Variants in ELMO1 observed in about 807,000 individuals in gnomAD.
The protein encoded by ELMO1 is engulfment and cell motility protein 1.
In ELMO1, 26 loss-of-function variants were observed where a neutral mutation model predicts 98.9. That is an observed-to-expected ratio of 0.26 (90% CI 0.19 to 0.36). The LOEUF is 0.36. Ranked by LOEUF, ELMO1 falls within the 10% of genes least tolerant of loss-of-function variation. The probability of loss-of-function intolerance (pLI) is 1.00; values close to 1 mark genes in which losing one functional copy is unlikely to be tolerated. For synonymous variants in ELMO1, 346 were observed against 346.0 expected (o/e 1.00, Z 0.00); for missense variants, 627 against 935.2 (o/e 0.67, Z 4.30).
At chr7:37,290,281 G>T (rs1797607720) in intron 4 of ELMO1, among the ~76,000 whole-genome samples, 1 of 152,242 alleles carries the variant, frequency 6.6e-6, no homozygotes, top group South Asian at 2.1e-4. Context: ...ACATACGTCA[G>T]AGAAACATTA....
intron 1 of ELMO1, among the ~76,000 whole-genome samples, chr7:37,443,247 C>T (rs1470013865): frequency 6.6e-6 from 1 of 152,174 alleles, no homozygotes; most frequent in Non-Finnish European, 1.5e-5. Context: ...TGTGCCTCTC[C>T]AGTGTTTTCT....
intron 16 of ELMO1, chr7:36,997,901 T>C (rs1429196113): frequency 1.3e-5 from 2 of 152,318 alleles, no homozygotes; most frequent in Non-Finnish European, 1.5e-5. Flanking sequence ...AATCAGAAGA[T>C]GACCTTGAGC....
chr7:37,321,609 C>T (rs1420825794), intron 2 of ELMO1, among the ~76,000 whole-genome samples: 17 of 146,028 alleles, frequency 1.2e-4, no homozygotes, highest in African/African-American at 3.8e-4. Context: ...CCCAGCTACT[C>T]GGGAGGCTGA....
intron 16 of ELMO1, among the ~76,000 whole-genome samples, chr7:36,946,189 T>G (rs1026391397): frequency 6.6e-6 from 1 of 152,260 alleles, no homozygotes; most frequent in Non-Finnish European, 1.5e-5. Context: ...AGGTTATTTA[T>G]AGAAACTTGT....
intron 14 of ELMO1, among the ~76,000 whole-genome samples, chr7:37,100,894 T>G (rs1379393068): frequency 6.6e-6 from 1 of 152,256 alleles, no homozygotes; most frequent in East Asian, 1.9e-4. Flanking sequence ...CATGAGGCAC[T>G]GCATGTCTTT....
chr7:36,885,887 C>A (rs1289746400), intron 18 of ELMO1, among the ~76,000 whole-genome samples: 1 of 152,220 alleles, frequency 6.6e-6, no homozygotes, highest in Non-Finnish European at 1.5e-5. Flanking sequence ...TTTGCTGTTT[C>A]TTGTTGCTAC....
chr7:36,900,186 T>C (rs1346512124), intron 16 of ELMO1, among the ~76,000 whole-genome samples: 1 of 152,204 alleles, frequency 6.6e-6, no homozygotes, highest in Non-Finnish European at 1.5e-5. Flanking sequence ...ACCACCGATT[T>C]CAGCAAATAT....
chr7:37,111,733 C>T (rs549239495), intron 14 of ELMO1, among the ~76,000 whole-genome samples: 2 of 152,156 alleles, frequency 1.3e-5, no homozygotes, highest in Non-Finnish European at 2.9e-5. Context: ...TGTTCATAAC[C>T]ATAGCCTGGA....
At chr7:37,338,905 C>A (rs1800573340) in intron 2 of ELMO1, among the ~76,000 whole-genome samples, 1 of 152,126 alleles carries the variant, frequency 6.6e-6, no homozygotes, top group African/African-American at 2.4e-5. Flanking sequence ...AGTGGAAACA[C>A]AGAATTTTCT....
chr7:37,065,186 CT>C (rs773914136), intron 15 of ELMO1, among the ~76,000 whole-genome samples: 134 of 146,366 alleles, frequency 9.2e-4, no homozygotes, highest in Admixed American at 1.2e-3. Context: ...TACCCCCACC[CT>C]TTTTTTTTTT....
intron 5 of ELMO1, among the ~76,000 whole-genome samples, chr7:37,265,421 T>C (rs1287849207): frequency 6.6e-6 from 1 of 152,054 alleles, no homozygotes; most frequent in African/African-American, 2.4e-5. Context: ...GGTAAAAACA[T>C]CCATTGACCC....
chr7:37,133,646 G>A (rs984471027), intron 13 of ELMO1, among the ~76,000 whole-genome samples: 3 of 152,130 alleles, frequency 2.0e-5, no homozygotes, highest in East Asian at 1.9e-4. Flanking sequence ...AGGAAACCAC[G>A]ACCTACCCAC....
intron 15 of ELMO1, chr7:37,033,259 A>T (rs1794979444): frequency 5.0e-6 from 2 of 400,858 alleles, no homozygotes; most frequent in Non-Finnish European, 1.0e-5. Context: ...GCTAAGTCCA[A>T]ATTGTTCCCC....
rs373584361 is a variant in ELMO1, at chr7:37,026,315, T to G, written c.1301-12880A>C. Among the ~76,000 whole-genome samples, 57 of 152,264 alleles carry G rather than the reference T, an allele frequency of 3.7e-4. 1 individual carries two copies. In the South Asian group the frequency reaches 0.012, roughly 32 times the overall value. ...CCATGGTGTGACTTTAGATTACACC[T>G]TAACCTGGGGCTCAGAGCATTAGCC... On this transcript the variant is annotated intron_variant, in intron 15 of 21. Transcript: ENST00000310758.
At chr7:36,990,183 T>C (rs989508219) in intron 16 of ELMO1, among the ~76,000 whole-genome samples, 12 of 152,236 alleles carry the variant, frequency 7.9e-5, no homozygotes, top group Admixed American at 3.9e-4. Flanking sequence ...CCAGACTGGG[T>C]GCTCTATTTA....
chr7:37,430,849 TAA>T (rs1804904520), intron 1 of ELMO1, among the ~76,000 whole-genome samples: 1 of 152,216 alleles, frequency 6.6e-6, no homozygotes, highest in African/African-American at 2.4e-5. Context: ...AAATTTCCCC[TAA>T]GTCACAGAGC....
rs1802313986 is a variant in ELMO1, at chr7:37,375,763, GA to G, written c.-73-33001del. 3.2e-5 allele frequency: 35 copies of G among 1,090,020 alleles called. 1 individual carries two copies. The South Asian group carries it at 4.4e-4, about 14-fold the overall frequency. 67.5% of individuals were successfully genotyped at this position (1,090,020 alleles called of 1,614,324 possible). ...CAATGAGGGTATCCAGTATCTCAGT[GA>G]TTACCTTCATCTGACCCTGGAGACT... On this transcript the variant is annotated intron_variant, in intron 1 of 21. Transcript: ENST00000310758.
intron 4 of ELMO1, among the ~76,000 whole-genome samples, chr7:37,308,021 G>A (rs1798702838): frequency 6.6e-6 from 1 of 152,216 alleles, no homozygotes. Context: ...GATGAGGCAG[G>A]AGAATTGCTT....
chr7:37,271,437 A>T lies in ELMO1; in HGVS notation c.243+395T>A, dbSNP rs1796553392. 1.6e-5 allele frequency: 3 copies of T among 191,880 alleles called. 1 individual carries two copies. The South Asian group carries it at 3.5e-4, about 22-fold the overall frequency. The allele number at this position is 191,880 out of a possible 1,614,324, so 11.9% of individuals were successfully genotyped here. ...GATGACCTCCAAACTCAAATCTTAA[A>T]GCAGAAGTGTCCAATCTTTTGGCTT... is the stretch of plus-strand genomic sequence containing the variant. On this transcript the variant is annotated intron_variant, in intron 5 of 21. Transcript: ENST00000310758.
Sources: allele counts gnomAD v4.1 joint callset (sites outside exome capture counted in the v4.1 genomes callset), GRCh38; gene constraint gnomAD v4.1.1; transcripts MANE v1.5; gene names NCBI Gene and HGNC (gene_info 2026-07-23, HGNC 2026-07-21).